SEMA6A: variants seen among roughly 807,000 people sequenced by gnomAD.
SEMA6A encodes semaphorin-6A.
SEMA6A carries 25 observed loss-of-function variants against 96.8 expected under a neutral mutation model. The ratio of observed to expected loss-of-function variants is 0.26; its 90% CI spans 0.19 to 0.36. The LOEUF is 0.36. SEMA6A is among the 10% of genes least tolerant of loss of function. SEMA6A has a pLI of 1.00. For synonymous variants in SEMA6A, 612 were observed against 518.0 expected, an observed-to-expected ratio of 1.18 and a Z score of -2.46; for missense variants, 1,363 against 1,323.1, an observed-to-expected ratio of 1.03 and a Z score of -0.47.
intron 1 of SEMA6A, chr5:116,554,878 C>T (rs1385043378): frequency 1.3e-5 from 2 of 152,172 alleles, no homozygotes; most frequent in Non-Finnish European, 2.9e-5. Flanking sequence ...AGATACAGCC[C>T]ATTCCTGCCT....
Position 116,446,765 on chromosome 5 carries a change from C to T in SEMA6A, c.2941G>A (p.Val981Met), listed in dbSNP as rs545914270. 5.6e-6 allele frequency: 9 copies of T among 1,610,250 alleles called. No individual in the cohort carries two copies. The highest frequency in any genetic ancestry group is 2.2e-5 in the South Asian group (2 of 90,570). Residue 981 changes from valine to methionine, a missense_variant, in exon 19 of 19, where the codon GTG becomes ATG. Transcript: ENST00000343348. ...VHSSQPSGQA[V>M]TVSRQPSLNA... is the part of the protein sequence containing the mutation. ...AGGCTGGGCTGCCTCGAGACAGTCA[C>T]GGCCTGGCCAGATGGCTGGGAGCTG... is the stretch of plus-strand genomic sequence containing the variant.
rs532441432 is a variant in SEMA6A, at chr5:116,569,871, T to C, written c.-39+4314A>G. The stretch of plus-strand genomic sequence containing the variant: ...AGGTTTTTTAAACCTAAGTTTGAGA[T>C]GTCTATTCAGGAGGAGCTACCTACC... On this transcript the variant is annotated intron_variant, in intron 1 of 18. Transcript: ENST00000343348. Among the ~76,000 whole-genome samples the C allele has an allele frequency of 4.6e-5, 7 of 152,300 alleles. No homozygotes were observed. The South Asian group carries it at 1.5e-3, about 32-fold the overall frequency.
At chr5:116,512,686 C>G (rs1758469318) in intron 1 of SEMA6A, among the ~76,000 whole-genome samples, 1 of 152,172 alleles carries the variant, frequency 6.6e-6, no homozygotes, top group Non-Finnish European at 1.5e-5. Context: ...TTCTTTCTCT[C>G]TACCCACCAC....
chr5:116,471,732 A>G (rs1402813823), intron 17 of SEMA6A: 1 of 152,212 alleles, frequency 6.6e-6, no homozygotes, highest in Non-Finnish European at 1.5e-5. Flanking sequence ...CCATACCTAC[A>G]CAGCTCCAAT....
At chr5:116,458,446 T>C (rs1201873582) in intron 18 of SEMA6A, among the ~76,000 whole-genome samples, 1 of 152,140 alleles carries the variant, frequency 6.6e-6, no homozygotes. Context: ...TAAAGTGTCA[T>C]GTCAAGTAGA....
chr5:116,520,721 A>C (rs2112814310), intron 1 of SEMA6A, among the ~76,000 whole-genome samples: 1 of 152,326 alleles, frequency 6.6e-6, no homozygotes, highest in African/African-American at 2.4e-5. Context: ...TGGGGAGGCC[A>C]GATGAGTGCT....
At position 116,502,654 on chromosome 5, in the gene SEMA6A, T is replaced by A. The variant is rs72812710; in HGVS notation, c.101-327A>T. Reference sequence around the variant, plus strand: ...TGAAGGTGCTCTTTTCTTCCACAGTTTTCTTTTCATCTTCTGTAGAGCTAA... The same window carrying A: ...TGAAGGTGCTCTTTTCTTCCACAGTATTCTTTTCATCTTCTGTAGAGCTAA... On this transcript the variant is annotated intron_variant, in intron 2 of 18. Transcript: ENST00000343348. 2,149 of 233,766 alleles carry A rather than the reference T, an allele frequency of 9.2e-3. 15 individuals are homozygous for A. Among genetic ancestry groups the A allele is most frequent in the South Asian group, 0.018 (248 of 13,426 alleles). The allele number at this position is 233,766 out of a possible 1,614,324, so 14.5% of individuals were successfully genotyped here. A position where few individuals can be genotyped will look rare whatever the true frequency, so the allele number is the denominator to read the frequency against.
intron 18 of SEMA6A, among the ~76,000 whole-genome samples, chr5:116,448,599 G>T (rs914779953): frequency 1.3e-5 from 2 of 151,888 alleles, no homozygotes; most frequent in South Asian, 4.2e-4. Flanking sequence ...CTTTTCCGAC[G>T]GCCCCCTTGT....
intron 1 of SEMA6A, among the ~76,000 whole-genome samples, chr5:116,513,594 T>C (rs1265113877): frequency 1.3e-5 from 2 of 148,284 alleles, no homozygotes; most frequent in Non-Finnish European, 3.0e-5. Context: ...ACCTTCCTCT[T>C]GATTTTCTTT....
intron 16 of SEMA6A, among the ~76,000 whole-genome samples, chr5:116,473,621 G>C (rs987013923): frequency 2.0e-5 from 3 of 152,234 alleles, no homozygotes; most frequent in African/African-American, 4.8e-5. Context: ...GGTGTGTGCT[G>C]TGTGTTGGGG....
chr5:116,496,193 A>G (rs1334358059), intron 5 of SEMA6A, 58 bp downstream of exon 5: 17 of 1,382,048 alleles, frequency 1.2e-5, no homozygotes, highest in Admixed American at 1.7e-5. Context: ...ATGGCTGGAG[A>G]TAACAGTCAA....
chr5:116,501,487 A>G (rs1381836448), intron 3 of SEMA6A, among the ~76,000 whole-genome samples: 1 of 152,226 alleles, frequency 6.6e-6, no homozygotes, highest in East Asian at 1.9e-4. Flanking sequence ...GTGATGATAT[A>G]GATTATCAAT....
At chr5:116,531,911 C>T (rs1759493026) in intron 1 of SEMA6A, among the ~76,000 whole-genome samples, 1 of 152,074 alleles carries the variant, frequency 6.6e-6, no homozygotes, top group African/African-American at 2.4e-5. Context: ...TGGCTCATAC[C>T]CCTGCTCTCT....
chr5:116,457,093 G>C (rs562829495), intron 18 of SEMA6A, among the ~76,000 whole-genome samples: 2 of 152,274 alleles, frequency 1.3e-5, no homozygotes, highest in South Asian at 4.1e-4. Context: ...GATCTGCTGA[G>C]TTGAACTGAA....
chr5:116,445,267 A>G lies in SEMA6A; in HGVS notation c.*1346T>C, dbSNP rs548892110. The G allele has an allele frequency of 6.5e-6, 1 of 152,834 alleles. No individual in the cohort carries two copies. The highest frequency in any genetic ancestry group is 6.5e-5 in the Admixed American group (1 of 15,314). The allele number at this position is 152,834 out of a possible 1,614,324, so 9.5% of individuals were successfully genotyped here. A position where few individuals can be genotyped will look rare whatever the true frequency, so the allele number is the denominator to read the frequency against. On this transcript the variant is annotated 3_prime_UTR_variant, in exon 19 of 19. Transcript: ENST00000343348. Reference sequence around the variant, plus strand: ...ATTTCAAAAGGGGGAACAGTTGATCATAAAGAGTTTACAAGTGTACACAAC... The same window carrying G: ...ATTTCAAAAGGGGGAACAGTTGATCGTAAAGAGTTTACAAGTGTACACAAC...
intron 8 of SEMA6A, 65 bp from the exon 9 acceptor site, chr5:116,488,261 T>G: frequency 2.8e-6 from 3 of 1,083,064 alleles, no homozygotes; most frequent in Middle Eastern, 2.0e-4. Flanking sequence ...TTCAATCAAG[T>G]GTAGCCAAAG....
At chr5:116,561,592 T>G (rs1760820629) in intron 1 of SEMA6A, among the ~76,000 whole-genome samples, 1 of 152,268 alleles carries the variant, frequency 6.6e-6, no homozygotes, top group Non-Finnish European at 1.5e-5. Flanking sequence ...CTACGCAGAA[T>G]TTGCATTTCA....
At chr5:116,451,710 A>G (rs995896514) in intron 18 of SEMA6A, among the ~76,000 whole-genome samples, 12 of 152,002 alleles carry the variant, frequency 7.9e-5, no homozygotes, top group Non-Finnish European at 1.8e-4. Flanking sequence ...TTGGGAGGTA[A>G]TCTTTAGAGT....
chr5:116,564,284 GATTTTCTAGATTAGTCCC>G (rs1207963705), intron 1 of SEMA6A, among the ~76,000 whole-genome samples: 1 of 152,158 alleles, frequency 6.6e-6, no homozygotes, highest in African/African-American at 2.4e-5. Context: ...AAAAATGACT[GATTTTCTAGATTAGTCCC>G]ATTTGTAAGG....
Sources: allele counts gnomAD v4.1 joint callset (sites outside exome capture counted in the v4.1 genomes callset), GRCh38; gene constraint gnomAD v4.1.1; transcripts MANE v1.5; gene names NCBI Gene and HGNC (gene_info 2026-07-23, HGNC 2026-07-21).